NRG3: variants seen among roughly 807,000 people sequenced by gnomAD.
NRG3 encodes the protein pro-neuregulin-3, membrane-bound isoform.
In NRG3, 31 loss-of-function variants were observed where a neutral mutation model predicts 66.9. That is an observed-to-expected ratio of 0.46 (90% CI 0.35 to 0.63). NRG3 has a LOEUF of 0.63. Among genes scored for constraint, NRG3 ranks in the 20% least tolerant of loss-of-function variants. The probability of loss-of-function intolerance (pLI) is 0.00; values close to 1 mark genes in which losing one functional copy is unlikely to be tolerated. For missense variants in NRG3, 910 were observed against 878.9 expected, an observed-to-expected ratio of 1.04 and a Z score of -0.45; for synonymous variants, 393 against 359.4, an observed-to-expected ratio of 1.09 and a Z score of -1.06.
chr10:82,891,357 A>C (rs1843132942), intron 4 of NRG3, among the ~76,000 whole-genome samples: 1 of 151,934 alleles, frequency 6.6e-6, no homozygotes, highest in Non-Finnish European at 1.5e-5. Flanking sequence ...ATAGTTTGAA[A>C]AATAAGAATG....
chr10:82,307,058 TGAAG>T (rs1377950836), intron 1 of NRG3, among the ~76,000 whole-genome samples: 2 of 152,170 alleles, frequency 1.3e-5, no homozygotes, highest in African/African-American at 4.8e-5. Context: ...TCACTTTTTT[TGAAG>T]AATACTCTGT....
At chr10:81,969,796 T>C (rs1286733403) in intron 1 of NRG3, among the ~76,000 whole-genome samples, 1 of 150,566 alleles carries the variant, frequency 6.6e-6, no homozygotes, top group Non-Finnish European at 1.5e-5. Context: ...TGTGTGTGTG[T>C]GTGTGCACAT....
intron 2 of NRG3, among the ~76,000 whole-genome samples, chr10:82,436,673 C>A (rs933124281): frequency 2.6e-5 from 4 of 152,086 alleles, no homozygotes; most frequent in African/African-American, 9.7e-5. Flanking sequence ...GTGGCTGGTA[C>A]CAGTTTTTCC....
intron 1 of NRG3, among the ~76,000 whole-genome samples, chr10:81,999,668 A>T (rs930818427): frequency 6.6e-6 from 1 of 152,240 alleles, no homozygotes; most frequent in African/African-American, 2.4e-5. Context: ...ATAAGAAATC[A>T]ATTTCCTTTA....
intron 7 of NRG3, among the ~76,000 whole-genome samples, chr10:82,977,984 T>C (rs964903862): frequency 2.0e-5 from 3 of 152,202 alleles, no homozygotes; most frequent in Admixed American, 6.5e-5. Flanking sequence ...ATGGTTGTAT[T>C]GATATTTACA....
chr10:82,943,881 T>C lies in NRG3; in HGVS notation c.1055-7588T>C, dbSNP rs544603954. On this transcript the variant is annotated intron_variant, in intron 4 of 8. Transcript: ENST00000372141. ...ATCGAATTACTATGTGCTATATGCT[T>C]AAGAAACCTTACTTGATATCATTCT... Among the ~76,000 whole-genome samples, 8 of 152,340 alleles carry C rather than the reference T, an allele frequency of 5.3e-5. No individual in the cohort carries two copies. The South Asian group carries it at 1.4e-3, about 28-fold the overall frequency.
At chr10:82,512,296 T>A (rs1845258783) in intron 2 of NRG3, among the ~76,000 whole-genome samples, 1 of 151,956 alleles carries the variant, frequency 6.6e-6, no homozygotes, top group Non-Finnish European at 1.5e-5. Context: ...TATTTTTTTT[T>A]ATTTTTTGAG....
At chr10:82,511,276 G>A (rs1282375167) in intron 2 of NRG3, among the ~76,000 whole-genome samples, 1 of 152,078 alleles carries the variant, frequency 6.6e-6, no homozygotes, top group Non-Finnish European at 1.5e-5. Context: ...ATCACAGAGA[G>A]GAAGGAAAAA....
At chr10:82,942,299 G>C (rs1848646062) in intron 4 of NRG3, among the ~76,000 whole-genome samples, 2 of 152,172 alleles carry the variant, frequency 1.3e-5, no homozygotes, top group South Asian at 4.1e-4. Context: ...CAAGAACTAT[G>C]ACTGTGATTT....
chr10:82,722,725 C>G (rs1159470661), intron 2 of NRG3, among the ~76,000 whole-genome samples: 1 of 152,118 alleles, frequency 6.6e-6, no homozygotes, highest in Non-Finnish European at 1.5e-5. Context: ...GCTTTATCTA[C>G]TTTAGATATG....
At chr10:82,922,779 T>C (rs1319541075) in intron 4 of NRG3, among the ~76,000 whole-genome samples, 4 of 152,192 alleles carry the variant, frequency 2.6e-5, no homozygotes. Flanking sequence ...GTTGTCTCAC[T>C]AGCACCTCAA....
rs541048832 is a variant in NRG3, at chr10:82,406,714, A to AT, written c.953+47854dup. ...GAATACTACATTCTGACTCCTGAGG[A>AT]TTTTTTTTCTTATTAATATTTTGAG... On this transcript the variant is annotated intron_variant, in intron 2 of 8. Coordinates refer to ENST00000372141, the MANE Select transcript of NRG3 (RefSeq NM_001010848.4). Among the ~76,000 whole-genome samples the AT allele has an allele frequency of 7.1e-4, 108 of 152,008 alleles. 1 individual carries two copies. In the South Asian group the frequency reaches 0.012, roughly 17 times the overall value.
rs536443319 is a variant in NRG3, at chr10:82,145,992, T to C, written c.824-212747T>C. Among the ~76,000 whole-genome samples the C allele has an allele frequency of 6.0e-4, 92 of 152,306 alleles. 1 individual carries two copies. Among genetic ancestry groups the C allele is most frequent in the Non-Finnish European group, 1.1e-3 (78 of 68,020 alleles). Reference sequence around the variant, plus strand: ...TGATGCCTAGTTGTTGAGGTGAACATTGTGATAAAATCATATTTGCTGGGA... The same window carrying C: ...TGATGCCTAGTTGTTGAGGTGAACACTGTGATAAAATCATATTTGCTGGGA... On this transcript the variant is annotated intron_variant, in intron 1 of 8. Transcript: ENST00000372141.
intron 1 of NRG3, among the ~76,000 whole-genome samples, chr10:82,058,332 A>G (rs564423589): frequency 2.8e-4 from 43 of 151,916 alleles, no homozygotes; most frequent in Non-Finnish European, 5.6e-4. Context: ...AGTCAAATAT[A>G]TTGATCTTTC....
At chr10:82,502,128 G>A (rs1844250622) in intron 2 of NRG3, among the ~76,000 whole-genome samples, 1 of 152,176 alleles carries the variant, frequency 6.6e-6, no homozygotes, top group African/African-American at 2.4e-5. Flanking sequence ...GGCAGGAGTT[G>A]ACATAACTCT....
intron 3 of NRG3, among the ~76,000 whole-genome samples, chr10:82,828,239 C>A (rs2062337682): frequency 6.6e-6 from 1 of 152,154 alleles, no homozygotes; most frequent in Non-Finnish European, 1.5e-5. Flanking sequence ...AAAACTTCTG[C>A]TAGGAATGTA....
At chr10:82,706,082 C>T (rs903728754) in intron 2 of NRG3, among the ~76,000 whole-genome samples, 1 of 152,078 alleles carries the variant, frequency 6.6e-6, no homozygotes, top group Non-Finnish European at 1.5e-5. Flanking sequence ...CCTGATCAAC[C>T]ACCCACTCCC....
At chr10:82,817,083 G>A (rs1349694157) in intron 3 of NRG3, among the ~76,000 whole-genome samples, 2 of 152,284 alleles carry the variant, frequency 1.3e-5, no homozygotes, top group East Asian at 1.9e-4. Flanking sequence ...CCTTTTCCAC[G>A]CTGCTGAAAA....
intron 1 of NRG3, among the ~76,000 whole-genome samples, chr10:82,229,375 C>A (rs1289187758): frequency 2.0e-5 from 3 of 152,026 alleles, no homozygotes; most frequent in African/African-American, 4.8e-5. Context: ...GAAATAATGT[C>A]TCAAAGCAGA....
Sources: gnomAD v4.1 joint callset for allele counts (sites outside exome capture counted in the v4.1 genomes callset) on GRCh38, gnomAD v4.1.1 for gene constraint, MANE v1.5 for transcripts, NCBI Gene and HGNC (gene_info 2026-07-23, HGNC 2026-07-21) for gene names.